The following SLIT2 variants were observed in gnomAD, a reference collection of about 807,000 sequenced individuals.
SLIT2 encodes the protein slit homolog 2 protein.
A neutral mutation model predicts 185.7 loss-of-function variants in SLIT2; 41 were observed. The ratio of observed to expected loss-of-function variants is 0.22; its 90% CI spans 0.17 to 0.29. The LOEUF (loss-of-function observed/expected upper bound fraction) is 0.29, where lower values mean the gene tolerates loss of function less well. SLIT2 is among the 10% of genes least tolerant of loss of function. The pLI is 1.00. For synonymous variants in SLIT2, 693 were observed against 680.2 expected (o/e 1.02, Z -0.29); for missense variants, 1,571 against 1,909.0 (o/e 0.82, Z 3.30).
chr4:20,361,147 T>C (rs1054420499), intron 4 of SLIT2, among the ~76,000 whole-genome samples: 3 of 152,156 alleles, frequency 2.0e-5, no homozygotes, highest in Non-Finnish European at 4.4e-5. Flanking sequence ...TTATTAAGGC[T>C]CCTTAGGTGA....
At chr4:20,560,951 T>A (rs189337379) in intron 26 of SLIT2, among the ~76,000 whole-genome samples, 2 of 152,036 alleles carry the variant, frequency 1.3e-5, no homozygotes, top group Admixed American at 6.6e-5. Context: ...ATAGATACTT[T>A]TAAATAGATA....
intron 9 of SLIT2, among the ~76,000 whole-genome samples, chr4:20,504,995 C>A (rs1045248625): frequency 7.9e-5 from 12 of 151,982 alleles, no homozygotes; most frequent in Non-Finnish European, 1.2e-4. Context: ...TTCAGACATT[C>A]AGGGGGTCTT....
chr4:20,597,644 G>C (rs1216957688), intron 32 of SLIT2, among the ~76,000 whole-genome samples: 1 of 151,500 alleles, frequency 6.6e-6, no homozygotes, highest in East Asian at 1.9e-4. Context: ...CCCTTTTTTG[G>C]TTTACCCTGA....
chr4:20,257,109 GTATTT>G (rs1162318679), intron 2 of SLIT2, among the ~76,000 whole-genome samples: 5 of 152,004 alleles, frequency 3.3e-5, no homozygotes, highest in African/African-American at 4.8e-5. Flanking sequence ...AAGTGGATCT[GTATTT>G]TATTATTGAT....
chr4:20,392,527 A>G (rs772061888), intron 4 of SLIT2, among the ~76,000 whole-genome samples: 1 of 152,106 alleles, frequency 6.6e-6, no homozygotes, highest in East Asian at 1.9e-4. Flanking sequence ...TTTCTGCAAT[A>G]ATAAATTAAC....
At chr4:20,473,318 A>G (rs1328306485) in intron 5 of SLIT2, among the ~76,000 whole-genome samples, 2 of 151,988 alleles carry the variant, frequency 1.3e-5, no homozygotes, top group East Asian at 3.9e-4. Context: ...TGTTGGGGAA[A>G]ATATTTGTAT....
At chr4:20,303,596 G>A (rs1015932008) in intron 4 of SLIT2, among the ~76,000 whole-genome samples, 1 of 151,982 alleles carries the variant, frequency 6.6e-6, no homozygotes, top group Non-Finnish European at 1.5e-5. Flanking sequence ...TTGTGGTGTG[G>A]CCATGAGCAT....
In SLIT2 at chr4:20,523,873, C is replaced by T. The variant is rs1721049036; in HGVS notation, c.1244C>T (p.Thr415Ile). ...AAGCTTCAGACCATCGCCAAGGGGA[C>T]CTTTTCACCTCTTCGGGCCATTCAA... The part of the protein sequence containing the change: ...DNKLQTIAKG[T>I]FSPLRAIQTM... Residue 415 changes from threonine to isoleucine, a missense_variant, in exon 13 of 37, where the codon ACC becomes ATC. Thr to Ile is a moderately conservative substitution (Grantham distance 89). Around this residue, in one of 3 missense-constraint regions of SLIT2, gnomAD observed 1,202 missense variants for 1,416.4 expected, o/e 0.85. Transcript: ENST00000504154. 6.2e-7 allele frequency: 1 copy of T among 1,614,084 alleles called. No homozygotes were observed. The highest frequency in any genetic ancestry group is 8.5e-7 in the Non-Finnish European group (1 of 1,179,976).
chr4:20,541,351 T>C (rs2148877350), intron 19 of SLIT2, 102 bp from the exon 20 acceptor site: 5 of 933,156 alleles, frequency 5.4e-6, no homozygotes, highest in Non-Finnish European at 8.2e-6. Context: ...GAAGAAGGAA[T>C]CATTCCAGCG....
chr4:20,514,115 G>T (rs1427397302), intron 11 of SLIT2, among the ~76,000 whole-genome samples: 1 of 152,200 alleles, frequency 6.6e-6, no homozygotes, highest in Non-Finnish European at 1.5e-5. Context: ...CAGAGTACTT[G>T]GGAGTATGTA....
At chr4:20,278,259 A>T (rs1281703589) in intron 4 of SLIT2, among the ~76,000 whole-genome samples, 1 of 152,038 alleles carries the variant, frequency 6.6e-6, no homozygotes, top group African/African-American at 2.4e-5. Context: ...TTAAATTCAA[A>T]TGCCTCAGGA....
At chr4:20,609,948 A>G in intron 33 of SLIT2, 65 bp from the exon 34 acceptor site, 1 of 1,457,530 alleles carries the variant, frequency 6.9e-7, no homozygotes, top group Non-Finnish European at 9.2e-7. Flanking sequence ...CAAAGTTTGT[A>G]ATTTAACTAC....
At chr4:20,354,895 G>A (rs1722185423) in intron 4 of SLIT2, among the ~76,000 whole-genome samples, 1 of 107,184 alleles carries the variant, frequency 9.3e-6, no homozygotes, top group Non-Finnish European at 2.0e-5. Flanking sequence ...GCGTGTGTGT[G>A]TGTGTGTGTG....
chr4:20,309,119 T>C (rs2109128646), intron 4 of SLIT2, among the ~76,000 whole-genome samples: 1 of 152,262 alleles, frequency 6.6e-6, no homozygotes, highest in South Asian at 2.1e-4. Flanking sequence ...TTAGATATGG[T>C]CAATTTAACA....
chr4:20,533,737 G>A, intron 18 of SLIT2, 22 bp downstream of exon 18: 2 of 1,599,166 alleles, frequency 1.3e-6, no homozygotes, highest in Non-Finnish European at 1.7e-6. Context: ...TACTTGCATT[G>A]CAGTTCTTCT....
At chr4:20,351,285 G>C (rs1239172060) in intron 4 of SLIT2, among the ~76,000 whole-genome samples, 1 of 151,988 alleles carries the variant, frequency 6.6e-6, no homozygotes, top group Non-Finnish European at 1.5e-5. Context: ...CTGACCTCAG[G>C]TGATCCACCC....
intron 4 of SLIT2, among the ~76,000 whole-genome samples, chr4:20,457,527 A>G (rs1713211496): frequency 6.6e-6 from 1 of 152,058 alleles, no homozygotes; most frequent in Non-Finnish European, 1.5e-5. Flanking sequence ...TTTAAACTCT[A>G]TTGCAAGGTC....
chr4:20,341,448 G>A (rs566759549), intron 4 of SLIT2, among the ~76,000 whole-genome samples: 8 of 152,288 alleles, frequency 5.3e-5, no homozygotes, highest in African/African-American at 1.7e-4. Context: ...ATCTTCAAGG[G>A]CATTTTAAAT....
At chr4:20,535,231 G>A (rs377420034) in intron 18 of SLIT2, among the ~76,000 whole-genome samples, 94 of 151,970 alleles carry the variant, frequency 6.2e-4, no homozygotes, top group African/African-American at 2.1e-3. Context: ...CCCGGGAGGC[G>A]GAGATTGCAG....
Sources: gnomAD v4.1 joint callset for allele counts (sites outside exome capture counted in the v4.1 genomes callset) on GRCh38, gnomAD v4.1.1 for gene constraint, gnomAD v4.1.1 regional missense constraint, MANE v1.5 for transcripts, NCBI Gene and HGNC (gene_info 2026-07-23, HGNC 2026-07-21) for gene names.